Variants in IGSF11 observed in about 807,000 individuals in gnomAD.
The protein encoded by IGSF11 is immunoglobulin superfamily member 11.
In IGSF11, 22 loss-of-function variants were observed where a neutral mutation model predicts 41.0. The observed-to-expected ratio is 0.54, with a 90% CI of 0.38 to 0.77. The LOEUF (loss-of-function observed/expected upper bound fraction) is 0.77, where lower values mean the gene tolerates loss of function less well. Ranked by LOEUF, IGSF11 falls within the 30% of genes least tolerant of loss-of-function variation. IGSF11 has a pLI of 0.00. For missense variants in IGSF11, 444 were observed against 530.8 expected, an observed-to-expected ratio of 0.84 and a Z score of 1.61; for synonymous variants, 219 against 201.3, an observed-to-expected ratio of 1.09 and a Z score of -0.74.
intron 1 of IGSF11, among the ~76,000 whole-genome samples, chr3:119,006,073 C>A (rs1322495654): frequency 8.9e-6 from 1 of 112,824 alleles, no homozygotes; most frequent in East Asian, 2.5e-4. Flanking sequence ...CAACTTGGTT[C>A]CATTCTCCGC....
At chr3:119,086,637 C>T (rs770208558) in intron 1 of IGSF11, among the ~76,000 whole-genome samples, 7 of 152,260 alleles carry the variant, frequency 4.6e-5, no homozygotes, top group Admixed American at 2.0e-4. Context: ...AAACAAATTC[C>T]ATCCAAGAAT....
chr3:118,916,730 T>G (rs1239417319), intron 4 of IGSF11, among the ~76,000 whole-genome samples: 1 of 151,882 alleles, frequency 6.6e-6, no homozygotes, highest in African/African-American at 2.4e-5. Context: ...TACCCAGGAA[T>G]TGAACTCAGC....
chr3:119,052,032 G>C, intron 1 of IGSF11, among the ~76,000 whole-genome samples: 1 of 152,008 alleles, frequency 6.6e-6, no homozygotes, highest in East Asian at 1.9e-4. Context: ...AACTCTGAAA[G>C]AGCACAAATA....
At chr3:119,009,050 A>G (rs369328505) in intron 1 of IGSF11, among the ~76,000 whole-genome samples, 2 of 152,156 alleles carry the variant, frequency 1.3e-5, no homozygotes, top group East Asian at 3.8e-4. Flanking sequence ...AAATTTATTT[A>G]TACATACATA....
At chr3:119,050,297 A>C (rs555636933) in intron 1 of IGSF11, among the ~76,000 whole-genome samples, 1 of 146,032 alleles carries the variant, frequency 6.8e-6, no homozygotes, top group Non-Finnish European at 1.6e-5. Context: ...TCAAATTTAC[A>C]AGAAAAAAAC....
At chr3:119,100,662 C>CAT (rs2076925039) in intron 1 of IGSF11, among the ~76,000 whole-genome samples, 1 of 152,182 alleles carries the variant, frequency 6.6e-6, no homozygotes. Flanking sequence ...CCAAAAGTCA[C>CAT]ATAATCTGTG....
Position 118,900,769 on chromosome 3 carries a change from A to G in IGSF11, c.*1751T>C, listed in dbSNP as rs1257300014. ...TTTCACTTTTCTTTATAAAAAGTAT[A>G]GACATTCATTTATTTAAATTTTTAC... On this transcript the variant is annotated 3_prime_UTR_variant, in exon 7 of 7. Coordinates refer to ENST00000393775, the MANE Select transcript of IGSF11 (RefSeq NM_001015887.3). The G allele has an allele frequency of 6.6e-6, 1 of 152,634 alleles. No individual in the cohort carries two copies. Among genetic ancestry groups the G allele is most frequent in the African/African-American group, 2.4e-5 (1 of 41,446 alleles). 9.5% of individuals were successfully genotyped at this position (152,634 alleles called of 1,614,324 possible). A position where few individuals can be genotyped will look rare whatever the true frequency, so the allele number is the denominator to read the frequency against.
chr3:118,917,619 T>C (rs1405662417), intron 4 of IGSF11, among the ~76,000 whole-genome samples: 3 of 102,990 alleles, frequency 2.9e-5, no homozygotes, highest in African/African-American at 1.5e-4. Flanking sequence ...TAATCAATAG[T>C]TTACCAACCA....
At chr3:119,093,177 C>T (rs944964191) in intron 1 of IGSF11, among the ~76,000 whole-genome samples, 1 of 152,198 alleles carries the variant, frequency 6.6e-6, no homozygotes, top group African/African-American at 2.4e-5. Context: ...GAACAATGCA[C>T]ACCCTGTGTT....
chr3:119,081,094 T>G (rs1230726105), intron 1 of IGSF11, among the ~76,000 whole-genome samples: 1 of 152,204 alleles, frequency 6.6e-6, no homozygotes, highest in Non-Finnish European at 1.5e-5. Flanking sequence ...ACATGTTATT[T>G]ACAACAGCTG....
At chr3:119,035,277 T>C (rs934233599), upstream of IGSF11, among the ~76,000 whole-genome samples, 5 of 152,254 alleles carry the variant, frequency 3.3e-5, no homozygotes, top group African/African-American at 1.2e-4. Flanking sequence ...GCTTTTTCAC[T>C]TTCAGTCCTC....
intron 1 of IGSF11, among the ~76,000 whole-genome samples, chr3:119,010,547 G>A (rs1009237063): frequency 6.6e-6 from 1 of 152,144 alleles, no homozygotes; most frequent in Non-Finnish European, 1.5e-5. Flanking sequence ...AAAAACAAAA[G>A]GCAGAGGAAG....
chr3:118,970,056 C>T (rs1424257354), intron 1 of IGSF11, among the ~76,000 whole-genome samples: 3 of 152,204 alleles, frequency 2.0e-5, no homozygotes, highest in African/African-American at 4.8e-5. Flanking sequence ...GTCCCTCTAA[C>T]TAGACAGCCA....
At chr3:119,043,215 G>A in intron 1 of IGSF11, among the ~76,000 whole-genome samples, 1 of 152,096 alleles carries the variant, frequency 6.6e-6, no homozygotes, top group Admixed American at 6.5e-5. Flanking sequence ...AAATGGGAGG[G>A]GACTCAAAGG....
At chr3:119,017,808 G>A (rs1401734744) in intron 1 of IGSF11, among the ~76,000 whole-genome samples, 1 of 120,276 alleles carries the variant, frequency 8.3e-6, no homozygotes, top group Non-Finnish European at 1.6e-5. Flanking sequence ...TTGAGACAGA[G>A]TTTCACTCTT....
intron 1 of IGSF11, among the ~76,000 whole-genome samples, chr3:119,000,549 T>G (rs1170300599): frequency 6.6e-6 from 1 of 151,232 alleles, no homozygotes; most frequent in Non-Finnish European, 1.5e-5. Flanking sequence ...TCGTATGGCA[T>G]GCATCAGATC....
At chr3:119,001,143 T>A (rs527528272) in intron 1 of IGSF11, among the ~76,000 whole-genome samples, 1 of 151,816 alleles carries the variant, frequency 6.6e-6, no homozygotes, top group African/African-American at 2.4e-5. Flanking sequence ...AATTCGCCTA[T>A]ATCCTTCAAT....
At chr3:119,024,656 CCCTG>C (rs1939643654) in intron 1 of IGSF11, among the ~76,000 whole-genome samples, 1 of 152,144 alleles carries the variant, frequency 6.6e-6, no homozygotes. Context: ...ATCACTATAT[CCCTG>C]CCTAAAACTT....
intron 1 of IGSF11, among the ~76,000 whole-genome samples, chr3:119,072,005 T>C (rs2076406781): frequency 6.6e-6 from 1 of 152,216 alleles, no homozygotes; most frequent in Non-Finnish European, 1.5e-5. Flanking sequence ...CTTTAATTTC[T>C]TCAGGAAATA....
Sources: allele counts gnomAD v4.1 joint callset (sites outside exome capture counted in the v4.1 genomes callset), GRCh38; gene constraint gnomAD v4.1.1; transcripts MANE v1.5; gene names NCBI Gene and HGNC (gene_info 2026-07-23, HGNC 2026-07-21).